The following TRDN variants were observed in gnomAD, a reference collection of about 807,000 sequenced individuals.
The protein encoded by TRDN is triadin.
In TRDN, 161 loss-of-function variants were observed where a neutral mutation model predicts 149.7. The ratio of observed to expected loss-of-function variants is 1.08; its 90% confidence interval spans 0.95 to 1.23. TRDN has a LOEUF of 1.23. TRDN is among the 50% of genes most tolerant of loss of function. The pLI is 0.00. For missense variants in TRDN, 896 were observed against 823.5 expected, an observed-to-expected ratio of 1.09 and a Z score of -1.08; for synonymous variants, 294 against 250.5, an observed-to-expected ratio of 1.17 and a Z score of -1.64.
chr6:123,418,581 T>C (rs775682150), intron 12 of TRDN: 8 of 152,192 alleles, frequency 5.3e-5, no homozygotes, highest in Non-Finnish European at 8.8e-5. Flanking sequence ...TCAGCTCCCA[T>C]GGAGGTAGGT....
chr6:123,401,653 A>T (rs1023413261), intron 12 of TRDN, among the ~76,000 whole-genome samples: 3 of 152,116 alleles, frequency 2.0e-5, no homozygotes, highest in Non-Finnish European at 4.4e-5. Flanking sequence ...TATAGACAAG[A>T]TTTAAAGGAG....
At chr6:123,218,818 C>T in intron 40 of TRDN, 78 bp from the exon 41 acceptor site, 1 of 1,430,292 alleles carries the variant, frequency 7.0e-7, no homozygotes, top group Admixed American at 2.3e-5. Flanking sequence ...TGCAGTGCAG[C>T]AGATAAGGTC....
intron 6 of TRDN, among the ~76,000 whole-genome samples, chr6:123,514,072 CA>C (rs1779306949): frequency 6.6e-6 from 1 of 152,104 alleles, no homozygotes; most frequent in South Asian, 2.1e-4. Context: ...AAATGTGAAA[CA>C]ATCTTTTTTG....
At chr6:123,547,215 A>G in intron 4 of TRDN, 125 bp downstream of exon 4, 4 of 585,622 alleles carry the variant, frequency 6.8e-6, no homozygotes, top group Non-Finnish European at 1.1e-5. Context: ...TTCTGACTAT[A>G]AATCTTGACC....
intron 4 of TRDN, among the ~76,000 whole-genome samples, chr6:123,536,527 G>A (rs1281502950): frequency 6.6e-6 from 1 of 151,630 alleles, no homozygotes; most frequent in Non-Finnish European, 1.5e-5. Context: ...TACTACTTAT[G>A]GAAATAAGAT....
At chr6:123,492,909 A>C (rs1778285730) in intron 9 of TRDN, among the ~76,000 whole-genome samples, 3 of 152,032 alleles carry the variant, frequency 2.0e-5, no homozygotes. Flanking sequence ...CATAAGACGA[A>C]TCAATCTCTT....
chr6:123,223,717 C>A (rs957863817), intron 39 of TRDN, among the ~76,000 whole-genome samples: 3 of 146,732 alleles, frequency 2.0e-5, no homozygotes, highest in Admixed American at 6.8e-5. Flanking sequence ...TCCTTCCTTC[C>A]TTCCTTCCTT....
intron 13 of TRDN, among the ~76,000 whole-genome samples, chr6:123,390,710 A>G (rs1782075395): frequency 6.6e-6 from 1 of 152,050 alleles, no homozygotes; most frequent in South Asian, 2.1e-4. Context: ...CTGGTCCTCA[A>G]ATTCAGCTTG....
intron 12 of TRDN, among the ~76,000 whole-genome samples, chr6:123,435,444 C>A (rs1774514438): frequency 6.6e-6 from 1 of 151,846 alleles, no homozygotes; most frequent in South Asian, 2.1e-4. Flanking sequence ...AATTATTAAA[C>A]CCTAAAAAGA....
intron 7 of TRDN, among the ~76,000 whole-genome samples, chr6:123,507,135 T>C (rs1041589114): frequency 2.0e-5 from 3 of 152,098 alleles, no homozygotes; most frequent in Non-Finnish European, 4.4e-5. Context: ...TGTTTAGAAA[T>C]AAACTTGTCT....
intron 2 of TRDN, among the ~76,000 whole-genome samples, chr6:123,562,689 C>T (rs750166107): frequency 6.6e-6 from 1 of 152,258 alleles, no homozygotes; most frequent in Non-Finnish European, 1.5e-5. Context: ...GGGTAGGATG[C>T]AAAACTCCTG....
chr6:123,268,383 T>C (rs1017591514), intron 31 of TRDN, among the ~76,000 whole-genome samples: 6 of 152,078 alleles, frequency 3.9e-5, no homozygotes, highest in African/African-American at 1.4e-4. Flanking sequence ...ACATCCCTCT[T>C]AGTTCTCTGA....
intron 12 of TRDN, among the ~76,000 whole-genome samples, chr6:123,424,780 C>A (rs1223893606): frequency 6.6e-6 from 1 of 152,126 alleles, no homozygotes; most frequent in Admixed American, 6.6e-5. Flanking sequence ...CCTTTTACAC[C>A]TTTGTGGAGA....
chr6:123,316,344 T>A, intron 24 of TRDN, 113 bp downstream of exon 24: 1 of 978,294 alleles, frequency 1.0e-6, no homozygotes, highest in Non-Finnish European at 1.6e-6. Flanking sequence ...ATTTTTTTAA[T>A]GTTTTGGATG....
intron 38 of TRDN, among the ~76,000 whole-genome samples, chr6:123,248,510 T>A (rs1369155823): frequency 6.6e-6 from 1 of 151,974 alleles, no homozygotes; most frequent in Non-Finnish European, 1.5e-5. Context: ...TGAGCTGAGA[T>A]CACGCCACTG....
chr6:123,423,816 G>A (rs1279056387), intron 12 of TRDN, among the ~76,000 whole-genome samples: 2 of 151,936 alleles, frequency 1.3e-5, no homozygotes, highest in Admixed American at 6.6e-5. Context: ...ATGTAAATAC[G>A]GCCAATAGCA....
intron 2 of TRDN, among the ~76,000 whole-genome samples, chr6:123,561,418 G>A (rs377192107): frequency 1.1e-3 from 174 of 152,176 alleles, no homozygotes; most frequent in African/African-American, 3.9e-3. Context: ...GTCTGTCCTC[G>A]GAATGCTACA....
At chr6:123,337,744 T>G (rs1055166865) in intron 21 of TRDN, 75 bp from the exon 22 acceptor site, 24 of 829,640 alleles carry the variant, frequency 2.9e-5, no homozygotes, top group Non-Finnish European at 4.4e-5. Flanking sequence ...TTCATGTGTT[T>G]TGTATACTGA....
At chr6:123,367,363 C>T (rs1781146089) in intron 19 of TRDN, among the ~76,000 whole-genome samples, 1 of 152,092 alleles carries the variant, frequency 6.6e-6, no homozygotes, top group South Asian at 2.1e-4. Context: ...CATATATGCT[C>T]AGCACTGATG....
Sources: allele counts gnomAD v4.1 joint callset (sites outside exome capture counted in the v4.1 genomes callset), GRCh38; gene constraint gnomAD v4.1.1; transcripts MANE v1.5; gene names NCBI Gene and HGNC (gene_info 2026-07-23, HGNC 2026-07-21).